Variants in SAMD4A observed in about 807,000 individuals in gnomAD.
The protein encoded by SAMD4A is sterile alpha motif domain containing 4A, also known as protein Smaug homolog 1.
A neutral mutation model predicts 81.3 loss-of-function variants in SAMD4A; 33 were observed. The observed-to-expected ratio is 0.41, with a 90% CI of 0.31 to 0.54. SAMD4A has a LOEUF of 0.54. Among genes scored for constraint, SAMD4A ranks in the 20% least tolerant of loss-of-function variants. SAMD4A has a pLI of 0.37. For missense variants in SAMD4A, 854 were observed against 951.1 expected, an observed-to-expected ratio of 0.90 and a Z score of 1.34; for synonymous variants, 389 against 382.1, an observed-to-expected ratio of 1.02 and a Z score of -0.21.
At chr14:54,750,551 A>G (rs763734747) in intron 5 of SAMD4A, among the ~76,000 whole-genome samples, 2 of 152,242 alleles carry the variant, frequency 1.3e-5, no homozygotes, top group Non-Finnish European at 2.9e-5. Context: ...CTAATCATTT[A>G]CCTGAAGAGA....
intron 11 of SAMD4A, among the ~76,000 whole-genome samples, chr14:54,781,726 G>C (rs1057432116): frequency 2.0e-5 from 3 of 152,210 alleles, no homozygotes; most frequent in Admixed American, 2.0e-4. Flanking sequence ...CCACAGCAAG[G>C]GTTGGCCTGG....
intron 12 of SAMD4A, 27 bp from the exon 13 acceptor site, chr14:54,788,889 C>T (rs1040180882): frequency 6.2e-7 from 1 of 1,614,156 alleles, no homozygotes; most frequent in African/African-American, 1.3e-5. Flanking sequence ...CTCACCTGTG[C>T]CCATCGTTTG....
At position 54,751,488 on chromosome 14, in the gene SAMD4A, G is replaced by T; in HGVS notation, c.1127G>T (p.Ser376Ile). 2 of 1,608,888 alleles carry T rather than the reference G, an allele frequency of 1.2e-6. No homozygotes were observed. The highest frequency in any genetic ancestry group is 8.5e-7 in the Non-Finnish European group (1 of 1,176,448). The change falls in exon 6 of 13, where the codon AGT (serine) becomes ATT (isoleucine). Residue 376 changes from serine to isoleucine, a missense_variant. By Grantham distance (142) the Ser-to-Ile change is moderately radical. Transcript: ENST00000554335. The stretch of plus-strand genomic sequence containing the variant: ...GGTGCAAGACACAAAATTGTCATCA[G>T]TATTCAGAAGCTCAAAGAAAGACAA... ...TKGARHKIVI[S>I]IQKLKERQNL... is the part of the protein sequence containing the mutation.
chr14:54,787,944 G>C (rs2039182172), intron 12 of SAMD4A, among the ~76,000 whole-genome samples: 1 of 152,148 alleles, frequency 6.6e-6, no homozygotes, highest in African/African-American at 2.4e-5. Context: ...GACCGTTCTA[G>C]AACCCACGTG....
chr14:54,566,247 G>A (rs1053885474), upstream of SAMD4A, among the ~76,000 whole-genome samples: 203 of 151,306 alleles, frequency 1.3e-3, 1 homozygote, highest in African/African-American at 4.8e-3. Context: ...CAACCCCGCT[G>A]AGAGCCGCCG....
rs1380309190 is a variant in SAMD4A, at chr14:54,789,172, G to A, written c.*228G>A. The A allele has an allele frequency of 3.6e-6, 2 of 555,540 alleles. No homozygotes were observed. The highest frequency in any genetic ancestry group is 6.5e-6 in the Non-Finnish European group (2 of 307,248). The allele number at this position is 555,540 out of a possible 1,614,324, so 34.4% of individuals were successfully genotyped here. On this transcript the variant is annotated 3_prime_UTR_variant, in exon 13 of 13. Coordinates refer to ENST00000554335, the MANE Select transcript of SAMD4A (RefSeq NM_015589.6). ...TGTTTCTGTCATGGGATGGTTTGGT[G>A]TGTGGGGTGGGGAGGGGTCTCTAGG...
At chr14:54,745,311 G>A (rs17127871) in intron 4 of SAMD4A, among the ~76,000 whole-genome samples, 8,924 of 152,218 alleles carry the variant, frequency 0.059, 452 homozygotes, top group South Asian at 0.18. Flanking sequence ...GACCCACCTT[G>A]TCTCTAGCCA....
At chr14:54,703,685 T>C (rs2036777841) in intron 3 of SAMD4A, 1 of 152,090 alleles carries the variant, frequency 6.6e-6, no homozygotes, top group Non-Finnish European at 1.5e-5. Flanking sequence ...CTGGCCAACA[T>C]GGTGAAACTC....
At chr14:54,593,278 G>T (rs962743464) in intron 2 of SAMD4A, among the ~76,000 whole-genome samples, 6 of 152,126 alleles carry the variant, frequency 3.9e-5, no homozygotes, top group African/African-American at 1.4e-4. Context: ...CCTTCCTGGA[G>T]AACCTAATTA....
In SAMD4A at chr14:54,644,241, A is replaced by G. The variant is rs138200935; in HGVS notation, c.197-57821A>G. 4.3e-3 allele frequency among the ~76,000 whole-genome samples: 661 copies of G among 152,330 alleles called. 1 individual carries two copies. The highest frequency in any genetic ancestry group is 7.0e-3 in the Non-Finnish European group (479 of 68,034). On this transcript the variant is annotated intron_variant, in intron 2 of 12. Transcript: ENST00000554335. Reference sequence around the variant, plus strand: ...AGAGAGGTGTATCTTGTCTAAGGTTACTAACTTGTGGTAAATGCAAATCTT... The same window carrying G: ...AGAGAGGTGTATCTTGTCTAAGGTTGCTAACTTGTGGTAAATGCAAATCTT...
At chr14:54,723,398 A>T (rs1019117728) in intron 3 of SAMD4A, among the ~76,000 whole-genome samples, 2 of 152,218 alleles carry the variant, frequency 1.3e-5, no homozygotes, top group African/African-American at 4.8e-5. Flanking sequence ...CAACTTGCAG[A>T]CAGGGAAACA....
intron 3 of SAMD4A, among the ~76,000 whole-genome samples, chr14:54,706,235 C>T (rs1017357114): frequency 3.6e-5 from 5 of 139,948 alleles, no homozygotes; most frequent in Non-Finnish European, 6.0e-5. Context: ...GAGCTGTGAT[C>T]GTGTCACTGC....
At chr14:54,655,373 C>A (rs747652666) in intron 2 of SAMD4A, among the ~76,000 whole-genome samples, 80 of 152,274 alleles carry the variant, frequency 5.3e-4, no homozygotes, top group Non-Finnish European at 9.4e-4. Context: ...TAAGGAAGAG[C>A]CCATTCTACT....
intron 2 of SAMD4A, among the ~76,000 whole-genome samples, chr14:54,670,493 C>A (rs1446276789): frequency 6.6e-6 from 1 of 152,174 alleles, no homozygotes; most frequent in Non-Finnish European, 1.5e-5. Context: ...CTGGGGGAGG[C>A]AGAACTGGGT....
At chr14:54,589,972 A>G (rs562075574) in intron 2 of SAMD4A, among the ~76,000 whole-genome samples, 2 of 152,284 alleles carry the variant, frequency 1.3e-5, no homozygotes, top group African/African-American at 4.8e-5. Flanking sequence ...ATTACATTAC[A>G]TATCTGTTTA....
At chr14:54,719,071 A>G (rs1388546868) in intron 3 of SAMD4A, among the ~76,000 whole-genome samples, 1 of 151,998 alleles carries the variant, frequency 6.6e-6, no homozygotes, top group Non-Finnish European at 1.5e-5. Flanking sequence ...GCCTTTCCCC[A>G]TTCCCCTTCC....
In SAMD4A at chr14:54,737,119, A is replaced by T. The variant is rs1237606345; in HGVS notation, c.811A>T (p.Met271Leu). 2 of 1,614,066 alleles carry T rather than the reference A, an allele frequency of 1.2e-6. No individual in the cohort carries two copies. Among genetic ancestry groups the T allele is most frequent in the South Asian group, 1.1e-5 (1 of 91,064 alleles). ...VPNQPLGHGW[M>L]SHEDLRARGP... ...AAACCAGCCTCTAGGACATGGATGGATGTCTCATGAGGACTTACGAGCTAG... is the reference window on the plus strand; with the variant it reads ...AAACCAGCCTCTAGGACATGGATGGTTGTCTCATGAGGACTTACGAGCTAG... The change falls in exon 4 of 13, where the codon ATG becomes TTG. Residue 271 changes from methionine to leucine, a missense_variant. By Grantham distance (15) the Met-to-Leu change is conservative. Around this residue, in one of 3 missense-constraint regions of SAMD4A, gnomAD observed 387 missense variants for 405.8 expected, o/e 0.95. Coordinates refer to ENST00000554335, the MANE Select transcript of SAMD4A (RefSeq NM_015589.6).
chr14:54,713,545 T>C (rs1412041537), intron 3 of SAMD4A, among the ~76,000 whole-genome samples: 1 of 152,146 alleles, frequency 6.6e-6, no homozygotes, highest in Non-Finnish European at 1.5e-5. Context: ...TGCTAAAACT[T>C]TGGACCATTT....
chr14:54,770,859 T>A (rs561890083), intron 9 of SAMD4A, among the ~76,000 whole-genome samples: 1 of 152,194 alleles, frequency 6.6e-6, no homozygotes, highest in Non-Finnish European at 1.5e-5. Context: ...TGACAATTTG[T>A]GGGAGAAATT....
Sources: allele counts gnomAD v4.1 joint callset (sites outside exome capture counted in the v4.1 genomes callset), GRCh38; gene constraint gnomAD v4.1.1; regional missense constraint gnomAD v4.1.1; transcripts MANE v1.5; gene names NCBI Gene and HGNC (gene_info 2026-07-23, HGNC 2026-07-21).